The following CPNE9 variants were observed in gnomAD, a reference collection of about 807,000 sequenced individuals.
The protein encoded by CPNE9 is copine family member 9, also known as copine-9.
A neutral mutation model predicts 83.0 loss-of-function variants in CPNE9; 59 were observed. The ratio of observed to expected loss-of-function variants is 0.71; its 90% confidence interval spans 0.58 to 0.88. The LOEUF (loss-of-function observed/expected upper bound fraction) is 0.88. CPNE9 is among the 40% of genes least tolerant of loss of function. CPNE9 has a pLI of 0.00. For synonymous variants in CPNE9, 256 were observed against 273.4 expected (o/e 0.94, Z 0.63); for missense variants, 619 against 720.8 (o/e 0.86, Z 1.62).
chr3:9,705,419 T>TACCCCCCCCCCCCC, intron 4 of CPNE9, 45 bp from the exon 5 acceptor site: 1 of 662,636 alleles, frequency 1.5e-6, no homozygotes, highest in Non-Finnish European at 2.7e-6. Context: ...TTCCACCCTC[T>TACCCCCCCCCCCCC]CCCCCACCCA....
chr3:9,711,153 T>G (rs2076622974), intron 7 of CPNE9, among the ~76,000 whole-genome samples: 2 of 152,038 alleles, frequency 1.3e-5, no homozygotes, highest in African/African-American at 4.8e-5. Context: ...CAAAGAACAG[T>G]GAGGAGGCAA....
chr3:9,712,155 C>T (rs536680429), intron 7 of CPNE9, among the ~76,000 whole-genome samples: 46 of 152,240 alleles, frequency 3.0e-4, no homozygotes, highest in African/African-American at 1.0e-3. Context: ...CTTTTCCTTC[C>T]ATGCACTCAT....
chr3:9,726,838 C>T (rs901282634), intron 19 of CPNE9, 116 bp downstream of exon 19: 2 of 956,640 alleles, frequency 2.1e-6, no homozygotes, highest in African/African-American at 3.2e-5. Flanking sequence ...CCGTGTGAAG[C>T]CTTGGTCAAG....
chr3:9,709,462 G>A (rs952047753), intron 7 of CPNE9, among the ~76,000 whole-genome samples: 11 of 148,760 alleles, frequency 7.4e-5, no homozygotes, highest in Non-Finnish European at 7.5e-5. Context: ...TCTGCTGCCC[G>A]GGTTCAAGCG....
chr3:9,714,499 T>C (rs946875992), intron 10 of CPNE9, among the ~76,000 whole-genome samples: 8 of 151,862 alleles, frequency 5.3e-5, no homozygotes, highest in Admixed American at 3.3e-4. Flanking sequence ...CAAATTACTT[T>C]TTTTTTTTTG....
intron 7 of CPNE9, among the ~76,000 whole-genome samples, chr3:9,709,866 T>G (rs547314114): frequency 1.8e-4 from 28 of 151,606 alleles, no homozygotes; most frequent in Non-Finnish European, 3.7e-4. Context: ...GGAGCGTGCC[T>G]GTAATCCCAG....
intron 17 of CPNE9, among the ~76,000 whole-genome samples, chr3:9,725,640 G>GTGTATA (rs2076772899): frequency 1.2e-4 from 6 of 49,430 alleles, no homozygotes; most frequent in Non-Finnish European, 4.3e-5. Context: ...GTATATACAT[G>GTGTATA]TATGTGTATA....
At chr3:9,719,388 G>A (rs2076714061) in intron 17 of CPNE9, among the ~76,000 whole-genome samples, 1 of 152,054 alleles carries the variant, frequency 6.6e-6, no homozygotes. Flanking sequence ...GCTTGAGTTT[G>A]GGTAAGAGAG....
intron 10 of CPNE9, 131 bp from the exon 11 acceptor site, chr3:9,714,783 T>C (rs1371056660): frequency 1.3e-6 from 1 of 744,540 alleles, no homozygotes; most frequent in Non-Finnish European, 2.2e-6. Context: ...GGGAGGCAGG[T>C]TGAAAGATGA....
Position 9,715,319 on chromosome 3 carries a change from C to T in CPNE9, c.723C>T (p.Ser241=). ...SHDFIGEFTT[S]YRELSKAQNQ... is the part of the protein sequence containing the mutation. ...ATTTCATTGGTGAGTTCACCACCAGCTACCGGGAGCTGAGCAAGGCCCAGA... is the reference window on the plus strand; with the variant it reads ...ATTTCATTGGTGAGTTCACCACCAGTTACCGGGAGCTGAGCAAGGCCCAGA... The change falls in exon 12 of 21, where the codon AGC becomes AGT. Residue 241 remains serine, a synonymous_variant. Coordinates refer to ENST00000383832, the MANE Select transcript of CPNE9 (RefSeq NM_153635.3). 13 of 1,614,232 alleles carry T rather than the reference C, an allele frequency of 8.1e-6. No individual in the cohort carries two copies. Among genetic ancestry groups the T allele is most frequent in the Non-Finnish European group, 1.1e-5 (13 of 1,180,042 alleles).
At chr3:9,720,871 C>T (rs1262394565) in intron 17 of CPNE9, among the ~76,000 whole-genome samples, 5 of 152,218 alleles carry the variant, frequency 3.3e-5, no homozygotes, top group South Asian at 4.1e-4. Flanking sequence ...CACTCTGGTT[C>T]TATCACTCAC....
intron 17 of CPNE9, among the ~76,000 whole-genome samples, chr3:9,720,666 A>G (rs2076726337): frequency 6.6e-6 from 1 of 152,264 alleles, no homozygotes; most frequent in Admixed American, 6.5e-5. Flanking sequence ...TATTATACAT[A>G]TAACATTTCA....
At chr3:9,709,011 C>T (rs2076592647) in intron 7 of CPNE9, among the ~76,000 whole-genome samples, 1 of 151,128 alleles carries the variant, frequency 6.6e-6, no homozygotes, top group Non-Finnish European at 1.5e-5. Flanking sequence ...CGGTGGTTCA[C>T]ACCTGTAATC....
Position 9,729,509 on chromosome 3 carries a change from C to T in CPNE9, c.1479C>T (p.Phe493=), listed in dbSNP as rs1575137614. 2 of 1,610,392 alleles carry T rather than the reference C, an allele frequency of 1.2e-6. No homozygotes were observed. The highest frequency in any genetic ancestry group is 2.2e-5 in the East Asian group (1 of 44,774). Residue 493 remains phenylalanine, a splice_region_variant and synonymous_variant, in exon 21 of 21, where the codon TTC becomes TTT. Transcript: ENST00000383832. ...GRYAERDIVQ[F]VPFRDYVDRS... The stretch of plus-strand genomic sequence containing the variant: ...CTTCTTGTCTGTGCCTGACCCAGTT[C>T]GTCCCATTCCGAGACTATGTTGACC...
chr3:9,728,305 T>C (rs368628999), intron 20 of CPNE9, among the ~76,000 whole-genome samples: 4 of 152,218 alleles, frequency 2.6e-5, no homozygotes, highest in Admixed American at 2.0e-4. Context: ...CTGGACAACA[T>C]AGCAAGACCT....
chr3:9,724,370 G>A (rs1575132819), intron 17 of CPNE9, among the ~76,000 whole-genome samples: 1 of 152,160 alleles, frequency 6.6e-6, no homozygotes, highest in East Asian at 1.9e-4. Flanking sequence ...CCCAGGCGAT[G>A]AGATGTGGCT....
chr3:9,717,440 A>G (rs1411864982), intron 15 of CPNE9, among the ~76,000 whole-genome samples: 1 of 152,180 alleles, frequency 6.6e-6, no homozygotes, highest in Non-Finnish European at 1.5e-5. Context: ...GTTGGTGAGT[A>G]TAATAGGTTA....
chr3:9,715,902 ATGGGCCTCACTT>A (rs372750511), intron 13 of CPNE9, 60 bp from the exon 14 acceptor site: 164,361 of 1,385,730 alleles, frequency 0.12, 10,554 homozygotes, highest in African/African-American at 0.28. Flanking sequence ...CCAAGCCCCT[ATGGGCCTCACTT>A]CCTTCTGCCA....
At chr3:9,725,164 C>T (rs2076766155) in intron 17 of CPNE9, among the ~76,000 whole-genome samples, 1 of 152,184 alleles carries the variant, frequency 6.6e-6, no homozygotes, top group African/African-American at 2.4e-5. Context: ...GTCTGCCTCA[C>T]TCCAGAGGGC....
Sources: allele counts gnomAD v4.1 joint callset (sites outside exome capture counted in the v4.1 genomes callset), GRCh38; gene constraint gnomAD v4.1.1; transcripts MANE v1.5; gene names NCBI Gene and HGNC (gene_info 2026-07-23, HGNC 2026-07-21).